The following MROH7 variants were observed in gnomAD, a reference collection of about 807,000 sequenced individuals.
MROH7 encodes the protein maestro heat like repeat family member 7.
Under a neutral mutation model 129.2 loss-of-function variants are expected in MROH7, and 113 were observed. The ratio of observed to expected loss-of-function variants is 0.87; its 90% CI spans 0.75 to 1.02. The LOEUF (loss-of-function observed/expected upper bound fraction) is 1.02. Ranked by LOEUF, MROH7 falls within the 50% of genes least tolerant of loss-of-function variation. The pLI, the probability that MROH7 is intolerant of heterozygous loss-of-function variation, is 0.00. For synonymous variants in MROH7, 655 were observed against 667.9 expected (o/e 0.98, Z 0.30); for missense variants, 1,601 against 1,671.3 (o/e 0.96, Z 0.73).
In MROH7 at chr1:54,653,935, C is replaced by T. The variant is rs947965747; in HGVS notation, c.1009C>T (p.Leu337=). The change falls in exon 3 of 24, where the codon CTG becomes TTG. Residue 337 remains leucine, a synonymous_variant. Coordinates refer to ENST00000421030, the MANE Select transcript of MROH7 (RefSeq NM_001039464.4). ...MTLILGSNET[L]SLDSSLLFSD... Reference sequence around the variant, plus strand: ...TCTAATCCTGGGTTCCAATGAGACTCTGAGCCTGGACTCCAGCCTCCTGTT... The same window carrying T: ...TCTAATCCTGGGTTCCAATGAGACTTTGAGCCTGGACTCCAGCCTCCTGTT... 1 of 1,614,198 alleles carries T rather than the reference C, an allele frequency of 6.2e-7. No individual in the cohort carries two copies. Among genetic ancestry groups the T allele is most frequent in the Admixed American group, 1.7e-5 (1 of 60,020 alleles).
In MROH7 at chr1:54,696,179, GA is replaced by G. The variant is rs202230160; in HGVS notation, c.2964+697del. Among the ~76,000 whole-genome samples the G allele has an allele frequency of 2.8e-3, 423 of 151,830 alleles. 1 individual carries two copies. Among genetic ancestry groups the G allele is most frequent in the African/African-American group, 9.7e-3 (400 of 41,430 alleles). On this transcript the variant is annotated intron_variant, in intron 17 of 23. Coordinates refer to ENST00000421030, the MANE Select transcript of MROH7 (RefSeq NM_001039464.4). ...ATACTATTCCATGCCCCGTTTTAGA[GA>G]AAAAAAACCCTGAGGCATCAATTTA...
chr1:54,701,078 G>T, intron 18 of MROH7, 65 bp from the exon 19 acceptor site: 1 of 1,549,446 alleles, frequency 6.5e-7, no homozygotes, highest in South Asian at 1.1e-5. Context: ...TGAATCAGAG[G>T]CTGGGTCTCT....
chr1:54,709,026 C>T lies in MROH7; in HGVS notation c.3680C>T (p.Pro1227Leu), dbSNP rs868046332. Reference sequence around the variant, plus strand: ...GATTACGCTCAAGGGTCCCTGGTCCCCTGCATGGAGAGCATAATGACAGAA... The same window carrying T: ...GATTACGCTCAAGGGTCCCTGGTCCTCTGCATGGAGAGCATAATGACAGAA... ...CSVMFIGSLV[P>L]CMESIMTEDR... Residue 1227 changes from proline to leucine, a missense_variant, in exon 23 of 24, where the codon CCC (proline) becomes CTC (leucine). By Grantham distance (98) the Pro-to-Leu change is moderately conservative. Coordinates refer to ENST00000421030, the MANE Select transcript of MROH7 (RefSeq NM_001039464.4). 1 of 1,614,162 alleles carries T rather than the reference C, an allele frequency of 6.2e-7. No homozygotes were observed. Among genetic ancestry groups the T allele is most frequent in the Non-Finnish European group, 8.5e-7 (1 of 1,180,036 alleles).
chr1:54,685,623 G>C (rs1258035985), intron 14 of MROH7, among the ~76,000 whole-genome samples: 1 of 152,202 alleles, frequency 6.6e-6, no homozygotes, highest in African/African-American at 2.4e-5. Flanking sequence ...TGGATTGGCA[G>C]GTGGAGAAGT....
intron 3 of MROH7, among the ~76,000 whole-genome samples, chr1:54,662,549 A>T (rs1644748375): frequency 6.6e-6 from 1 of 151,718 alleles, no homozygotes; most frequent in South Asian, 2.1e-4. Flanking sequence ...AGAAAAAAAA[A>T]AAAGTTGAAA....
intron 12 of MROH7, 37 bp from the exon 13 acceptor site, chr1:54,679,854 A>G: frequency 6.3e-7 from 1 of 1,585,272 alleles, no homozygotes; most frequent in African/African-American, 1.3e-5. Context: ...TTCCCTTGGC[A>G]GTCCCCTTGC....
chr1:54,700,108 C>A, intron 17 of MROH7: 1 of 722,556 alleles, frequency 1.4e-6, no homozygotes. Flanking sequence ...CAAGCAGTCA[C>A]AGGGGCTCGG....
intron 17 of MROH7, among the ~76,000 whole-genome samples, chr1:54,696,963 C>T (rs907746517): frequency 1.2e-4 from 19 of 152,244 alleles, no homozygotes; most frequent in African/African-American, 4.3e-4. Context: ...TGAGCCACCA[C>T]GCCTAGTCAA....
At chr1:54,682,965 A>G (rs1645094319) in intron 14 of MROH7, among the ~76,000 whole-genome samples, 171 bp downstream of exon 14, 5 of 152,214 alleles carry the variant, frequency 3.3e-5, no homozygotes, top group Admixed American at 3.3e-4. Flanking sequence ...TCACTGGACA[A>G]TAACAGTAGT....
chr1:54,708,518 G>T (rs1054493621), intron 22 of MROH7, among the ~76,000 whole-genome samples: 3 of 152,210 alleles, frequency 2.0e-5, no homozygotes, highest in Non-Finnish European at 4.4e-5. Context: ...AGGCTCACAG[G>T]CTGGCAGCAA....
intron 3 of MROH7, among the ~76,000 whole-genome samples, chr1:54,655,896 T>A (rs1188040735): frequency 3.4e-5 from 2 of 58,940 alleles, no homozygotes; most frequent in East Asian, 6.1e-4. Flanking sequence ...TTATAGTATT[T>A]TTTTTTTTTT....
At position 54,653,847 on chromosome 1, in the gene MROH7, T is replaced by C. The variant is rs1161678704; in HGVS notation, c.921T>C (p.Gly307=). The change falls in exon 3 of 24, where the codon GGT becomes GGC. Residue 307 remains glycine (G), a synonymous_variant. Coordinates refer to ENST00000421030, the MANE Select transcript of MROH7 (RefSeq NM_001039464.4). ...CCCTGATTCCTGGCTCCAGCTATGG[T>C]ATCAGCCTGCACTCCAGCACCCATG... The part of the protein sequence containing the change: ...YVTLIPGSSY[G]ISLHSSTHEP... 1.2e-6 allele frequency: 2 copies of C among 1,614,088 alleles called. No homozygotes were observed. Among genetic ancestry groups the C allele is most frequent in the Non-Finnish European group, 1.7e-6 (2 of 1,179,984 alleles).
In MROH7 at chr1:54,701,875, T is replaced by G. The variant is rs537056039; in HGVS notation, c.3286-215T>G. Among the ~76,000 whole-genome samples, 9 of 145,342 alleles carry G rather than the reference T, an allele frequency of 6.2e-5. No homozygotes were observed. In the South Asian group the frequency reaches 2.2e-3, roughly 36 times the overall value. ...CATGAGCCACAGCACCTGGCCAGTT[T>G]TTTTTTTTTCTTTAAACTGCTCCTA... On this transcript the variant is annotated intron_variant, in intron 19 of 23. Transcript: ENST00000421030.
chr1:54,651,000 C>T (rs1435411696), intron 1 of MROH7, among the ~76,000 whole-genome samples: 2 of 152,190 alleles, frequency 1.3e-5, no homozygotes, highest in Non-Finnish European at 2.9e-5. Flanking sequence ...TCTGGGATTA[C>T]AGGCGTGAGC....
chr1:54,673,631 TG>T, intron 8 of MROH7, 69 bp from the exon 9 acceptor site: 1 of 1,168,376 alleles, frequency 8.6e-7, no homozygotes, highest in Non-Finnish European at 1.3e-6. Flanking sequence ...GGGTGAAGGC[TG>T]GCCTGTCCAC....
chr1:54,673,499 A>G (rs186635041), intron 8 of MROH7, among the ~76,000 whole-genome samples: 29 of 151,968 alleles, frequency 1.9e-4, no homozygotes, highest in Non-Finnish European at 3.5e-4. Flanking sequence ...CTGTCTCCTC[A>G]TTGACTTCCT....
rs115495200 is a variant in MROH7 at position 54,668,077 on chromosome 1, C to T, written c.1306-777C>T. ...AAGATGACCCTCTCATTTTCCAGGG[C>T]CTCTCTTTGCATGGTCTGTAATCAT... On this transcript the variant is annotated intron_variant, in intron 4 of 23. Transcript: ENST00000421030. Among the ~76,000 whole-genome samples, 342 of 152,292 alleles carry T rather than the reference C, an allele frequency of 2.2e-3. 3 individuals are homozygous for T. The highest frequency in any genetic ancestry group is 8.0e-3 in the African/African-American group (334 of 41,554).
At chr1:54,660,558 A>G (rs1259908366) in intron 3 of MROH7, among the ~76,000 whole-genome samples, 1 of 152,248 alleles carries the variant, frequency 6.6e-6, no homozygotes, top group African/African-American at 2.4e-5. Flanking sequence ...TCACGCCTGT[A>G]ATCCCAGCAC....
chr1:54,645,753 G>A (rs937151020), intron 1 of MROH7, among the ~76,000 whole-genome samples: 7 of 148,520 alleles, frequency 4.7e-5, no homozygotes, highest in African/African-American at 1.7e-4. Context: ...CCGGGCTCAA[G>A]CAATTCTCCT....
Sources: allele counts gnomAD v4.1 joint callset (sites outside exome capture counted in the v4.1 genomes callset), GRCh38; gene constraint gnomAD v4.1.1; transcripts MANE v1.5; gene names NCBI Gene and HGNC (gene_info 2026-07-23, HGNC 2026-07-21).